Variants in TAF12 observed in about 807,000 individuals in gnomAD.
TAF12 encodes the protein transcription initiation factor TFIID subunit 12.
TAF12 carries 3 observed loss-of-function variants against 20.8 expected under a neutral mutation model. That is an observed-to-expected ratio of 0.14 (90% CI 0.07 to 0.37). The LOEUF (loss-of-function observed/expected upper bound fraction) is 0.37, where lower values mean the gene tolerates loss of function less well. Ranked by LOEUF, TAF12 falls within the 10% of genes least tolerant of loss-of-function variation. The pLI is 1.00. For synonymous variants in TAF12, 69 were observed against 70.2 expected (o/e 0.98, Z 0.09); for missense variants, 131 against 197.9 (o/e 0.66, Z 2.03).
chr1:28,621,174 T>C (rs1480727464), intron 2 of TAF12, among the ~76,000 whole-genome samples: 6 of 152,310 alleles, frequency 3.9e-5, no homozygotes, highest in Admixed American at 2.0e-4. Flanking sequence ...ATATTCAACA[T>C]AGGTTGATAT....
At chr1:28,647,284 AT>A (rs1164703818), upstream of TAF12, among the ~76,000 whole-genome samples, 10 of 148,620 alleles carry the variant, frequency 6.7e-5, no homozygotes, top group Non-Finnish European at 1.4e-4. Flanking sequence ...ATTGTCACAT[AT>A]TGTTTTTTTT....
intron 2 of TAF12, among the ~76,000 whole-genome samples, chr1:28,621,119 G>T (rs1355318224): frequency 6.6e-6 from 1 of 152,080 alleles, no homozygotes; most frequent in Non-Finnish European, 1.5e-5. Context: ...ACTATGTTCT[G>T]CCCTACCTAT....
At position 28,607,387 on chromosome 1, in the gene TAF12, C is replaced by G. The variant is rs1666700521; in HGVS notation, c.362-1927G>C. Among the ~76,000 whole-genome samples, 7 of 149,938 alleles carry G rather than the reference C, an allele frequency of 4.7e-5. No individual in the cohort carries two copies. In the South Asian group the frequency reaches 1.5e-3, roughly 33 times the overall value. ...TTGTTACTAGAAATAAAAATATTAG[C>G]TGGGCGGGAGTGGTGGGTCACGCCT... is the stretch of plus-strand genomic sequence containing the variant. On this transcript the variant is annotated intron_variant, in intron 4 of 5. Coordinates refer to ENST00000373824, the MANE Select transcript of TAF12 (RefSeq NM_005644.4).
chr1:28,634,215 A>C (rs144200137), intron 1 of TAF12, among the ~76,000 whole-genome samples: 3,214 of 151,170 alleles, frequency 0.021, 106 homozygotes, highest in African/African-American at 0.075. Context: ...GGAGTTCGAG[A>C]CCATCCTGAC....
chr1:28,645,122 G>A (rs564982923), upstream of TAF12, among the ~76,000 whole-genome samples: 208 of 151,016 alleles, frequency 1.4e-3, 1 homozygote, highest in Non-Finnish European at 2.3e-3. Context: ...TGCAAGTTCC[G>A]CCTCCCAGGT....
chr1:28,626,269 C>T (rs900310514), intron 1 of TAF12, among the ~76,000 whole-genome samples: 5 of 151,906 alleles, frequency 3.3e-5, no homozygotes, highest in African/African-American at 9.7e-5. Flanking sequence ...TGAACCACCG[C>T]GCCCGGCCTC....
upstream of TAF12, among the ~76,000 whole-genome samples, chr1:28,644,258 T>C (rs1668130027): frequency 6.6e-6 from 1 of 152,216 alleles, no homozygotes; most frequent in African/African-American, 2.4e-5. Context: ...TGCGGCATCC[T>C]GCCCTGTCTT....
chr1:28,644,941 G>A (rs1668146132), upstream of TAF12, among the ~76,000 whole-genome samples: 1 of 152,192 alleles, frequency 6.6e-6, no homozygotes, highest in South Asian at 2.1e-4. Flanking sequence ...CTGTCACCAG[G>A]GCTAGAGTGC....
rs556941141 is a variant in TAF12, at chr1:28,619,722, G to A, written c.169-1692C>T. On this transcript the variant is annotated intron_variant, in intron 2 of 5. Transcript: ENST00000373824. Reference sequence around the variant, plus strand: ...TCCTAGCACTTTGGGAGGCTGAGGCGGGTGGATAACCTGAAGTCAGGAGTT... The same window carrying A: ...TCCTAGCACTTTGGGAGGCTGAGGCAGGTGGATAACCTGAAGTCAGGAGTT... 4.7e-5 allele frequency among the ~76,000 whole-genome samples: 7 copies of A among 150,140 alleles called. No homozygotes were observed. In the South Asian group the frequency reaches 8.4e-4, roughly 18 times the overall value.
At chr1:28,641,445 T>C (rs1476626953) in intron 1 of TAF12, among the ~76,000 whole-genome samples, 1 of 152,066 alleles carries the variant, frequency 6.6e-6, no homozygotes. Context: ...ATCGTGCCAC[T>C]GCACTCCAGC....
chr1:28,642,865 A>G, intron 1 of TAF12, 127 bp downstream of exon 1: 1 of 985,914 alleles, frequency 1.0e-6, no homozygotes, highest in Non-Finnish European at 1.2e-6. Context: ...TCCCTTCCCA[A>G]GAGCCTGAAT....
chr1:28,617,120 C>CA (rs919494642), intron 3 of TAF12, among the ~76,000 whole-genome samples: 18 of 143,204 alleles, frequency 1.3e-4, no homozygotes, highest in Admixed American at 5.6e-4. Flanking sequence ...AACTCCGTCT[C>CA]AAAAAAAAAA....
chr1:28,617,206 A>G (rs1236373916), intron 3 of TAF12, among the ~76,000 whole-genome samples: 1 of 152,208 alleles, frequency 6.6e-6, no homozygotes, highest in Admixed American at 6.5e-5. Context: ...ATGTTACAGA[A>G]ACAGCTAAAA....
chr1:28,643,847 C>T (rs571477776), upstream of TAF12, among the ~76,000 whole-genome samples: 9 of 152,134 alleles, frequency 5.9e-5, no homozygotes, highest in African/African-American at 2.2e-4. Flanking sequence ...GTCAAGAGTT[C>T]AAGACCAGTC....
intron 4 of TAF12, among the ~76,000 whole-genome samples, chr1:28,610,304 A>C (rs1234388824): frequency 1.3e-5 from 2 of 151,792 alleles, no homozygotes; most frequent in Non-Finnish European, 2.9e-5. Flanking sequence ...TTACTTATTT[A>C]TTTATTTAGA....
chr1:28,616,226 G>A (rs1243428014), intron 3 of TAF12, among the ~76,000 whole-genome samples: 2 of 148,490 alleles, frequency 1.3e-5, no homozygotes, highest in South Asian at 4.3e-4. Context: ...GTAAAACTTT[G>A]TTACTACTAA....
At chr1:28,618,451 T>C (rs570445761) in intron 2 of TAF12, among the ~76,000 whole-genome samples, 1 of 152,166 alleles carries the variant, frequency 6.6e-6, no homozygotes. Context: ...GATCATGGCT[T>C]ACTGTAGCCT....
chr1:28,643,115 C>G, upstream of TAF12: 1 of 985,916 alleles, frequency 1.0e-6, no homozygotes, highest in Non-Finnish European at 1.2e-6. Context: ...GCCTCCAACC[C>G]GGAAACGCGC....
At chr1:28,608,726 G>A (rs919095666) in intron 4 of TAF12, among the ~76,000 whole-genome samples, 2 of 151,846 alleles carry the variant, frequency 1.3e-5, no homozygotes, top group Admixed American at 6.6e-5. Context: ...CTGCACTCCA[G>A]TCTGGGCGAC....
Sources: allele counts gnomAD v4.1 joint callset (sites outside exome capture counted in the v4.1 genomes callset), GRCh38; gene constraint gnomAD v4.1.1; transcripts MANE v1.5; gene names NCBI Gene and HGNC (gene_info 2026-07-23, HGNC 2026-07-21).